Variants in GALNT10 observed in about 807,000 individuals in gnomAD.
GALNT10 encodes GalNAc transferase 10.
GALNT10 carries 41 observed loss-of-function variants against 75.0 expected under a neutral mutation model. The ratio of observed to expected loss-of-function variants is 0.55; its 90% confidence interval spans 0.43 to 0.71. The LOEUF is 0.71. Ranked by LOEUF, GALNT10 falls within the 30% of genes least tolerant of loss-of-function variation. The probability of loss-of-function intolerance (pLI) is 0.00; values close to 1 mark genes in which losing one functional copy is unlikely to be tolerated. For missense variants in GALNT10, 727 were observed against 818.5 expected, an observed-to-expected ratio of 0.89 and a Z score of 1.36; for synonymous variants, 302 against 313.0, an observed-to-expected ratio of 0.96 and a Z score of 0.37.
intron 1 of GALNT10, among the ~76,000 whole-genome samples, chr5:154,246,289 A>G (rs973054045): frequency 6.6e-6 from 1 of 152,210 alleles, no homozygotes; most frequent in African/African-American, 2.4e-5. Context: ...GTGTCTTTAT[A>G]ACAGCATGAT....
intron 1 of GALNT10, among the ~76,000 whole-genome samples, chr5:154,281,120 A>G (rs1754032866): frequency 6.6e-6 from 1 of 152,222 alleles, no homozygotes; most frequent in Non-Finnish European, 1.5e-5. Context: ...AGTTTCTATA[A>G]AGAGTAACTT....
intron 1 of GALNT10, among the ~76,000 whole-genome samples, chr5:154,222,173 G>A (rs1217533404): frequency 3.3e-5 from 5 of 151,064 alleles, no homozygotes; most frequent in Non-Finnish European, 7.4e-5. Context: ...CTTTCTGGAT[G>A]AGTTTACATT....
chr5:154,340,377 A>G (rs1474957965), intron 4 of GALNT10, among the ~76,000 whole-genome samples: 2 of 152,222 alleles, frequency 1.3e-5, no homozygotes, highest in African/African-American at 4.8e-5. Flanking sequence ...ACATTTGCCT[A>G]AAGGAAAAAT....
intron 4 of GALNT10, among the ~76,000 whole-genome samples, chr5:154,355,085 C>T (rs1481886287): frequency 6.6e-6 from 1 of 152,206 alleles, no homozygotes; most frequent in African/African-American, 2.4e-5. Context: ...ATCGCACACA[C>T]TCTGTCTGTC....
intron 4 of GALNT10, among the ~76,000 whole-genome samples, chr5:154,342,767 G>C (rs948655474): frequency 6.6e-6 from 1 of 152,164 alleles, no homozygotes; most frequent in Non-Finnish European, 1.5e-5. Context: ...TAACAGGCCT[G>C]TGTGGATTTA....
chr5:154,226,259 A>G (rs1340456467), intron 1 of GALNT10, among the ~76,000 whole-genome samples: 2 of 152,184 alleles, frequency 1.3e-5, no homozygotes, highest in Non-Finnish European at 2.9e-5. Context: ...TATATATGCT[A>G]TGGTTGTCAT....
chr5:154,283,042 C>T (rs1050316599), intron 1 of GALNT10, among the ~76,000 whole-genome samples: 8 of 152,242 alleles, frequency 5.3e-5, no homozygotes, highest in Middle Eastern at 3.4e-3. Context: ...GGAGCATCTG[C>T]ATTCATAGCA....
At chr5:154,222,421 A>T (rs186563110) in intron 1 of GALNT10, among the ~76,000 whole-genome samples, 2 of 152,194 alleles carry the variant, frequency 1.3e-5, no homozygotes, top group Non-Finnish European at 2.9e-5. Flanking sequence ...TAAAGCTGTT[A>T]TAAACATTTG....
chr5:154,267,187 C>T (rs1293094139), intron 1 of GALNT10, among the ~76,000 whole-genome samples: 2 of 152,168 alleles, frequency 1.3e-5, no homozygotes, highest in African/African-American at 2.4e-5. Flanking sequence ...CAAATCATGG[C>T]GTGGTAAGTA....
intron 1 of GALNT10, among the ~76,000 whole-genome samples, chr5:154,214,510 A>G (rs1752834615): frequency 6.7e-6 from 1 of 149,160 alleles, no homozygotes; most frequent in Non-Finnish European, 1.5e-5. Context: ...TCATTTCCTC[A>G]CTTTAGACTA....
chr5:154,286,436 A>G (rs1247919290), intron 1 of GALNT10, among the ~76,000 whole-genome samples: 2 of 151,876 alleles, frequency 1.3e-5, no homozygotes, highest in Non-Finnish European at 2.9e-5. Context: ...TATCCTGAAG[A>G]AAGTGTTGAA....
intron 1 of GALNT10, among the ~76,000 whole-genome samples, chr5:154,213,368 G>T (rs1359680287): frequency 6.6e-6 from 1 of 152,104 alleles, no homozygotes; most frequent in Admixed American, 6.5e-5. Context: ...GCCATTCCCA[G>T]TTTCTCTCTG....
intron 7 of GALNT10, among the ~76,000 whole-genome samples, chr5:154,399,997 G>A (rs1393443558): frequency 1.3e-5 from 2 of 152,264 alleles, no homozygotes; most frequent in East Asian, 1.9e-4. Flanking sequence ...AAATAGCCAG[G>A]TATGGTGGCA....
chr5:154,297,050 C>T (rs776356861), intron 2 of GALNT10, among the ~76,000 whole-genome samples: 16 of 152,124 alleles, frequency 1.1e-4, no homozygotes, highest in Non-Finnish European at 1.8e-4. Flanking sequence ...GATTTTTAAC[C>T]CGTTGATTTT....
rs1360045544 is a variant in GALNT10, at chr5:154,219,832, TCTCTCTCACACACACA to T, written c.159+28809_159+28824del. 7.6e-4 allele frequency among the ~76,000 whole-genome samples: 61 copies of T among 80,222 alleles called. 1 individual carries two copies. The South Asian group carries it at 0.025, about 33-fold the overall frequency. The allele number at this position is 80,222 out of a possible 152,430, so 52.6% of individuals were successfully genotyped here. A position where few individuals can be genotyped will look rare whatever the true frequency, so the allele number is the denominator to read the frequency against. On this transcript the variant is annotated intron_variant, in intron 1 of 11. Coordinates refer to ENST00000297107, the MANE Select transcript of GALNT10 (RefSeq NM_198321.4). ...CTCGCGCTCTCTCTCTCTCTCTCTC[TCTCTCTCACACACACA>T]CACACACACACACACACACCACAGA...
chr5:154,348,465 C>A (rs189685730), intron 4 of GALNT10, among the ~76,000 whole-genome samples: 24 of 152,160 alleles, frequency 1.6e-4, no homozygotes, highest in Non-Finnish European at 1.9e-4. Flanking sequence ...TATTCTTTCC[C>A]AGAGTTTGTC....
At chr5:154,264,508 G>GA (rs1346716221) in intron 1 of GALNT10, among the ~76,000 whole-genome samples, 3 of 151,724 alleles carry the variant, frequency 2.0e-5, no homozygotes, top group Admixed American at 1.3e-4. Flanking sequence ...ATGTGACTCA[G>GA]AAAAAAAATG....
chr5:154,382,424 C>T (rs1755747248), intron 6 of GALNT10, among the ~76,000 whole-genome samples: 1 of 152,220 alleles, frequency 6.6e-6, no homozygotes, highest in African/African-American at 2.4e-5. Context: ...GCAGTCTGCC[C>T]CACCTTCTGT....
In GALNT10 at chr5:154,352,354, T is replaced by G. The variant is rs1052285735; in HGVS notation, c.568+22616T>G. ...GCAAGTGGACATAAAGTTCACCTGT[T>G]TAATTTGGGTTTCCACCTGGGGATC... is the stretch of plus-strand genomic sequence containing the variant. On this transcript the variant is annotated intron_variant, in intron 4 of 11. Coordinates refer to ENST00000297107, the MANE Select transcript of GALNT10 (RefSeq NM_198321.4). This position sits in a 1 kb window ranked among gnomAD's most constrained non-coding sequence, Gnocchi z 4.4. 5.3e-5 allele frequency among the ~76,000 whole-genome samples: 8 copies of G among 152,350 alleles called. No individual in the cohort carries two copies. The highest frequency in any genetic ancestry group is 4.1e-4 in the South Asian group (2 of 4,830).
Sources: gnomAD v4.1 joint callset for allele counts (sites outside exome capture counted in the v4.1 genomes callset) on GRCh38, gnomAD v4.1.1 for gene constraint, Gnocchi (gnomAD v3.1) non-coding constraint, MANE v1.5 for transcripts, NCBI Gene and HGNC (gene_info 2026-07-23, HGNC 2026-07-21) for gene names.